Variants in NBAS observed in about 807,000 individuals in gnomAD.
The protein encoded by NBAS is NAG/BC035112 fusion.
A neutral mutation model predicts 302.5 loss-of-function variants in NBAS; 219 were observed. The ratio of observed to expected loss-of-function variants is 0.72; its 90% CI spans 0.65 to 0.81. The LOEUF is 0.81. NBAS is among the 30% of genes least tolerant of loss of function. The probability of loss-of-function intolerance (pLI) is 0.00; values close to 1 mark genes in which losing one functional copy is unlikely to be tolerated. For synonymous variants in NBAS, 1,118 were observed against 1,021.6 expected, an observed-to-expected ratio of 1.09 and a Z score of -1.80; for missense variants, 2,932 against 2,841.6, an observed-to-expected ratio of 1.03 and a Z score of -0.72.
At chr2:15,220,728 T>C (rs1311012356) in intron 47 of NBAS, among the ~76,000 whole-genome samples, 1 of 152,224 alleles carries the variant, frequency 6.6e-6, no homozygotes, top group Non-Finnish European at 1.5e-5. Flanking sequence ...AGATCCATGC[T>C]AAAGCACTGA....
the NBAS span, among the ~76,000 whole-genome samples, chr2:14,958,357 ACTTCCC>A: frequency 2.0e-5 from 3 of 152,174 alleles, no homozygotes; most frequent in African/African-American, 7.2e-5. Context: ...ACGATCTCTA[ACTTCCC>A]CTTTGACATT....
intron 21 of NBAS, among the ~76,000 whole-genome samples, chr2:15,430,637 G>C (rs970138761): frequency 2.0e-5 from 3 of 152,124 alleles, no homozygotes; most frequent in African/African-American, 7.2e-5. Flanking sequence ...ACAAAGCCAG[G>C]ATTTGAACAC....
intron 40 of NBAS, among the ~76,000 whole-genome samples, chr2:15,304,139 A>G (rs964451677): frequency 2.0e-5 from 3 of 152,214 alleles, no homozygotes; most frequent in African/African-American, 7.2e-5. Flanking sequence ...CCATGTGTCA[A>G]GGGAAAGACC....
At chr2:15,418,368 T>C (rs1677047169) in intron 23 of NBAS, among the ~76,000 whole-genome samples, 1 of 152,208 alleles carries the variant, frequency 6.6e-6, no homozygotes, top group Non-Finnish European at 1.5e-5. Flanking sequence ...CTCCGAGTGA[T>C]AGAGAAATGA....
At chr2:15,181,750 G>A (rs917388047) in intron 50 of NBAS, among the ~76,000 whole-genome samples, 1 of 152,198 alleles carries the variant, frequency 6.6e-6, no homozygotes, top group African/African-American at 2.4e-5. Flanking sequence ...CCCATTGTCT[G>A]ACAGTCATGA....
chr2:14,984,466 A>C, the NBAS span, among the ~76,000 whole-genome samples: 1 of 152,204 alleles, frequency 6.6e-6, no homozygotes, highest in Middle Eastern at 3.2e-3. Flanking sequence ...AAAACAAATG[A>C]ATACATTAAA....
Position 15,472,586 on chromosome 2 carries a change from C to G in NBAS, c.1725+636G>C, listed in dbSNP as rs1016934137. On this transcript the variant is annotated intron_variant, in intron 16 of 51. Coordinates refer to ENST00000281513, the MANE Select transcript of NBAS (RefSeq NM_015909.4). ...CCCAACCTCAGCTCACTGGCCCCCC[C>G]CAGAAGCAGGCGTCCAGCTTTCCTA... 5.9e-5 allele frequency among the ~76,000 whole-genome samples: 9 copies of G among 152,266 alleles called. No homozygotes were observed. The East Asian group carries it at 7.7e-4, about 13-fold the overall frequency.
At chr2:15,042,573 C>A in the NBAS span, among the ~76,000 whole-genome samples, 1 of 152,214 alleles carries the variant, frequency 6.6e-6, no homozygotes, top group Non-Finnish European at 1.5e-5. Context: ...CTTTGCATCT[C>A]TTCTGAGGGA....
At chr2:15,060,113 A>G in the NBAS span, among the ~76,000 whole-genome samples, 1 of 152,144 alleles carries the variant, frequency 6.6e-6, no homozygotes, top group African/African-American at 2.4e-5. Flanking sequence ...TAATGTTACT[A>G]GGCCTCTGCT....
At chr2:14,816,672 A>C in the NBAS span, among the ~76,000 whole-genome samples, 19 of 152,250 alleles carry the variant, frequency 1.2e-4, no homozygotes, top group Admixed American at 1.1e-3. Context: ...ATTCAGTCTT[A>C]GGAGCATAAG....
intron 38 of NBAS, among the ~76,000 whole-genome samples, chr2:15,318,033 G>A (rs996830777): frequency 6.6e-6 from 1 of 152,248 alleles, no homozygotes; most frequent in African/African-American, 2.4e-5. Flanking sequence ...AAGCCCATCA[G>A]ACTAACAGCA....
At chr2:15,180,297 G>C (rs1048292570) in intron 50 of NBAS, 4 of 152,190 alleles carry the variant, frequency 2.6e-5, no homozygotes, top group African/African-American at 9.7e-5. Flanking sequence ...TTTCAGAGTA[G>C]AAGGCTGTGC....
rs1311957258 is a variant in NBAS, at chr2:15,511,094, T to C, written c.885+118A>G. 3 of 1,239,938 alleles carry C rather than the reference T, an allele frequency of 2.4e-6. No homozygotes were observed. In the African/African-American group the frequency reaches 4.5e-5, roughly 19 times the overall value. The allele number at this position is 1,239,938 out of a possible 1,614,324, so 76.8% of individuals were successfully genotyped here. ...AAATTATACCAGCATTAATTCACTG[T>C]CCTCATTCAAGATGAAATTATTTCT... On this transcript the variant is annotated intron_variant, in intron 10 of 51. Coordinates refer to ENST00000281513, the MANE Select transcript of NBAS (RefSeq NM_015909.4).
chr2:14,804,281 A>T, the NBAS span, among the ~76,000 whole-genome samples: 1 of 152,292 alleles, frequency 6.6e-6, no homozygotes, highest in East Asian at 1.9e-4. Flanking sequence ...ATTTTCACAT[A>T]TTTGTGCTTT....
the NBAS span, among the ~76,000 whole-genome samples, chr2:15,103,810 G>A: frequency 2.6e-5 from 4 of 152,136 alleles, no homozygotes; most frequent in African/African-American, 9.7e-5. Context: ...CACTTCCATG[G>A]TCTGTGTAGC....
the NBAS span, among the ~76,000 whole-genome samples, chr2:15,013,129 G>T: frequency 1.3e-5 from 2 of 152,274 alleles, no homozygotes; most frequent in African/African-American, 4.8e-5. Context: ...AAAGTTCTGG[G>T]ATTATAGGCA....
intron 6 of NBAS, among the ~76,000 whole-genome samples, chr2:15,548,191 G>A (rs1253599412): frequency 1.3e-5 from 2 of 152,138 alleles, no homozygotes; most frequent in African/African-American, 4.8e-5. Context: ...GTTCCCAAGT[G>A]CCATTACCCA....
At chr2:14,857,211 A>C in the NBAS span, among the ~76,000 whole-genome samples, 1 of 152,304 alleles carries the variant, frequency 6.6e-6, no homozygotes, top group Admixed American at 6.5e-5. Flanking sequence ...ATGTTCATGA[A>C]TTAGAAAAAT....
chr2:15,024,299 A>C, the NBAS span, among the ~76,000 whole-genome samples: 520 of 151,964 alleles, frequency 3.4e-3, 7 homozygotes, highest in African/African-American at 0.012. Flanking sequence ...AAAAAAAAAA[A>C]CATGATCTTG....
Sources: allele counts gnomAD v4.1 joint callset (sites outside exome capture counted in the v4.1 genomes callset), GRCh38; gene constraint gnomAD v4.1.1; transcripts MANE v1.5; gene names NCBI Gene and HGNC (gene_info 2026-07-23, HGNC 2026-07-21).